RFC1: variants seen among roughly 807,000 people sequenced by gnomAD.
RFC1 encodes the protein A1 140 kDa subunit.
RFC1 carries 37 observed loss-of-function variants against 137.4 expected under a neutral mutation model. The observed-to-expected ratio is 0.27, with a 90% CI of 0.21 to 0.35. RFC1 has a LOEUF of 0.35. RFC1 is among the 10% of genes least tolerant of loss of function. The pLI is 1.00. For synonymous variants in RFC1, 429 were observed against 455.7 expected (o/e 0.94, Z 0.75); for missense variants, 1,205 against 1,358.5 (o/e 0.89, Z 1.78).
chr4:39,318,364 A>T (rs1462760754), intron 9 of RFC1, among the ~76,000 whole-genome samples: 1 of 152,142 alleles, frequency 6.6e-6, no homozygotes, highest in Non-Finnish European at 1.5e-5. Flanking sequence ...TTTTTTTAAC[A>T]AGTTTCACAA....
intron 10 of RFC1, among the ~76,000 whole-genome samples, chr4:39,316,376 A>G (rs1739241180): frequency 6.6e-6 from 1 of 152,166 alleles, no homozygotes. Flanking sequence ...TTCCTCAAAC[A>G]TACCATGCAA....
chr4:39,319,011 T>C (rs11096991), intron 9 of RFC1, among the ~76,000 whole-genome samples: 50,112 of 152,088 alleles, frequency 0.33, 8,424 homozygotes, highest in Non-Finnish European at 0.35. Context: ...TTTTCAAAGA[T>C]ATTCATTATC....
intron 19 of RFC1, among the ~76,000 whole-genome samples, chr4:39,300,808 G>C (rs1738316174): frequency 6.6e-6 from 1 of 152,154 alleles, no homozygotes; most frequent in African/African-American, 2.4e-5. Flanking sequence ...AAAAGACATG[G>C]GGGGGCAGGG....
At chr4:39,337,710 A>G (rs1187840986) in intron 4 of RFC1, among the ~76,000 whole-genome samples, 1 of 152,166 alleles carries the variant, frequency 6.6e-6, no homozygotes, top group African/African-American at 2.4e-5. Flanking sequence ...TATTTGTCTG[A>G]TACACAAGAC....
chr4:39,345,324 G>A (rs780985720), intron 3 of RFC1, 77 bp downstream of exon 3: 6 of 1,286,532 alleles, frequency 4.7e-6, no homozygotes, highest in Non-Finnish European at 6.6e-6. Flanking sequence ...CCCATCCTTA[G>A]AACATAGTTT....
chr4:39,349,002 A>G (rs1461883995), intron 2 of RFC1, among the ~76,000 whole-genome samples: 1 of 152,166 alleles, frequency 6.6e-6, no homozygotes, highest in Non-Finnish European at 1.5e-5. Context: ...TGTCTATCCT[A>G]TATGTCTGTT....
Position 39,320,552 on chromosome 4 carries a change from TCTC to T in RFC1, c.923_925del (p.Gly308del), listed in dbSNP as rs763963682. ...AGAACTGGCCTTGGGAGAAGAGACT[TCTC>T]CTATTTTGTCAGCTGATGACTTGGA... On this transcript the variant is annotated inframe_deletion, in exon 9 of 25. Coordinates refer to ENST00000349703, the MANE Select transcript of RFC1 (RefSeq NM_002913.5). 8.8e-5 allele frequency: 142 copies of T among 1,613,452 alleles called. 2 individuals are homozygous for T. In the South Asian group the frequency reaches 1.5e-3, roughly 17 times the overall value.
chr4:39,303,047 G>C lies in RFC1; in HGVS notation c.2202+13C>G. 6.3e-7 allele frequency: 1 copy of C among 1,588,684 alleles called. No homozygotes were observed. ...TCAACAGTGAAACTGCAAAAATACA[G>C]CACTTGAATTACCTGAATTCCTCCC... On this transcript the variant is annotated intron_variant, in intron 16 of 24. Transcript: ENST00000349703.
At chr4:39,338,338 G>T (rs1740456456) in intron 4 of RFC1, among the ~76,000 whole-genome samples, 1 of 152,100 alleles carries the variant, frequency 6.6e-6, no homozygotes, top group South Asian at 2.1e-4. Flanking sequence ...TAAAAAGCTA[G>T]CTGTATAATA....
intron 11 of RFC1, 38 bp downstream of exon 11, chr4:39,312,714 A>C: frequency 1.3e-6 from 2 of 1,569,092 alleles, no homozygotes; most frequent in Non-Finnish European, 1.7e-6. Context: ...CAAGGCAGGC[A>C]GGAGGTGTCA....
intron 1 of RFC1, among the ~76,000 whole-genome samples, chr4:39,360,375 C>T (rs1418420067): frequency 2.0e-5 from 3 of 152,080 alleles, no homozygotes; most frequent in Non-Finnish European, 4.4e-5. Flanking sequence ...TGGTGGCATA[C>T]GTCTGTAGTC....
chr4:39,338,573 TA>T (rs1176939480), intron 4 of RFC1, among the ~76,000 whole-genome samples: 1 of 152,184 alleles, frequency 6.6e-6, no homozygotes, highest in Non-Finnish European at 1.5e-5. Context: ...GGATCAATAA[TA>T]AAAAATTAAC....
At chr4:39,319,917 A>G (rs1456470296) in intron 9 of RFC1, among the ~76,000 whole-genome samples, 2 of 152,196 alleles carry the variant, frequency 1.3e-5, no homozygotes, top group African/African-American at 4.8e-5. Flanking sequence ...GTTACTCAGA[A>G]GAGTACCCAA....
chr4:39,338,904 A>G (rs945955612), intron 4 of RFC1, among the ~76,000 whole-genome samples: 2 of 152,040 alleles, frequency 1.3e-5, no homozygotes, highest in East Asian at 3.9e-4. Flanking sequence ...CCTCTAATCA[A>G]TATCTCCCCA....
At chr4:39,335,887 T>C (rs1740324755) in intron 4 of RFC1, among the ~76,000 whole-genome samples, 1 of 152,190 alleles carries the variant, frequency 6.6e-6, no homozygotes, top group Non-Finnish European at 1.5e-5. Context: ...ATATATTGTA[T>C]TGTATTAGTA....
rs17287929 is a variant in RFC1, at chr4:39,350,656, A to T, written c.132+692T>A. 4.5e-3 allele frequency among the ~76,000 whole-genome samples: 683 copies of T among 152,296 alleles called. 4 individuals carry two copies. The highest frequency in any genetic ancestry group is 0.016 in the African/African-American group (657 of 41,566). ...CAGCAAAAATAACCTTCAAGAATGA[A>T]GGCAAAATAAAGACATTTTCAGATT... is the stretch of plus-strand genomic sequence containing the variant. On this transcript the variant is annotated intron_variant, in intron 2 of 24. Coordinates refer to ENST00000349703, the MANE Select transcript of RFC1 (RefSeq NM_002913.5).
intron 1 of RFC1, among the ~76,000 whole-genome samples, chr4:39,358,713 T>G (rs190944439): frequency 6.6e-6 from 1 of 152,318 alleles, no homozygotes; most frequent in East Asian, 1.9e-4. Flanking sequence ...GGATGAAAGC[T>G]ACACATATTT....
At chr4:39,290,640 C>A (rs1385142820) in intron 23 of RFC1, among the ~76,000 whole-genome samples, 18 of 151,904 alleles carry the variant, frequency 1.2e-4, no homozygotes, top group Non-Finnish European at 4.4e-5. Flanking sequence ...CATAGGGAAA[C>A]CCCATTTCTA....
chr4:39,326,656 A>T lies in RFC1; in HGVS notation c.565-16T>A, dbSNP rs1187124184. 1.3e-6 allele frequency: 2 copies of T among 1,597,314 alleles called. No individual in the cohort carries two copies. Among genetic ancestry groups the T allele is most frequent in the Non-Finnish European group, 1.7e-6 (2 of 1,167,246 alleles). On this transcript the variant is annotated splice_polypyrimidine_tract_variant and intron_variant, in intron 5 of 24. Transcript: ENST00000349703. The stretch of plus-strand genomic sequence containing the variant: ...TTTGTGAAAGCTATATTTCAAAGAA[A>T]ATCAAGCAAAATCAGCATAAACCTT...
Sources: gnomAD v4.1 joint callset for allele counts (sites outside exome capture counted in the v4.1 genomes callset) on GRCh38, gnomAD v4.1.1 for gene constraint, MANE v1.5 for transcripts, NCBI Gene and HGNC (gene_info 2026-07-23, HGNC 2026-07-21) for gene names.